CACNA1B: variants seen among roughly 807,000 people sequenced by gnomAD.
The protein encoded by CACNA1B is calcium voltage-gated channel subunit alpha1 B, also known as voltage-dependent N-type calcium channel subunit alpha-1B.
CACNA1B carries 70 observed loss-of-function variants against 247.2 expected under a neutral mutation model. The ratio of observed to expected loss-of-function variants is 0.28; its 90% CI spans 0.23 to 0.35. The LOEUF (loss-of-function observed/expected upper bound fraction) is 0.35, where lower values mean the gene tolerates loss of function less well. Ranked by LOEUF, CACNA1B falls within the 10% of genes least tolerant of loss-of-function variation. The probability of loss-of-function intolerance (pLI) is 1.00; values close to 1 mark genes in which losing one functional copy is unlikely to be tolerated. For synonymous variants in CACNA1B, 1,231 were observed against 1,294.4 expected (o/e 0.95, Z 1.05); for missense variants, 2,367 against 3,197.4 (o/e 0.74, Z 6.26).
intron 3 of CACNA1B, among the ~76,000 whole-genome samples, chr9:137,884,733 T>TG (rs774875334): frequency 2.6e-5 from 4 of 151,980 alleles, no homozygotes; most frequent in Non-Finnish European, 4.4e-5. Flanking sequence ...CCCGGCCTCA[T>TG]GGGGCGCTGT....
At position 138,124,087 on chromosome 9, in the gene CACNA1B, G is replaced by A. The variant is rs202021418; in HGVS notation, c.*2088G>A. 14 of 152,112 alleles carry A rather than the reference G, an allele frequency of 9.2e-5. No homozygotes were observed. The highest frequency in any genetic ancestry group is 3.8e-4 in the East Asian group (2 of 5,198). 9.4% of individuals were successfully genotyped at this position (152,112 alleles called of 1,614,324 possible). A position where few individuals can be genotyped will look rare whatever the true frequency, so the allele number is the denominator to read the frequency against. On this transcript the variant is annotated 3_prime_UTR_variant, in exon 47 of 47. Transcript: ENST00000371372. ...GGAATTGATGAAAACTACAGGGAGC[G>A]GGGAAAGGAGACATTATGTCTTGTT... is the stretch of plus-strand genomic sequence containing the variant.
intron 3 of CACNA1B, among the ~76,000 whole-genome samples, chr9:137,904,906 G>A (rs951257597): frequency 2.0e-5 from 3 of 152,022 alleles, no homozygotes; most frequent in Non-Finnish European, 4.4e-5. Context: ...TTCTTATTTT[G>A]TTATCTGACT....
chr9:137,947,975 CTTTTTT>C (rs71387878), intron 6 of CACNA1B, among the ~76,000 whole-genome samples: 7 of 79,440 alleles, frequency 8.8e-5, no homozygotes, highest in African/African-American at 4.2e-4. Context: ...TTCAGCATTC[CTTTTTT>C]TTTTTTTTTT....
At chr9:138,111,579 G>A (rs994509393) in intron 39 of CACNA1B, among the ~76,000 whole-genome samples, 3 of 152,198 alleles carry the variant, frequency 2.0e-5, no homozygotes, top group African/African-American at 7.2e-5. Context: ...GCACATGGGC[G>A]TATGAATTCA....
chr9:138,023,599 C>T lies in CACNA1B; in HGVS notation c.2856C>T (p.Gly952=), dbSNP rs1289343939. 1 of 1,097,736 alleles carries T rather than the reference C, an allele frequency of 9.1e-7. No homozygotes were observed. The highest frequency in any genetic ancestry group is 7.0e-5 in the East Asian group (1 of 14,282). 68.0% of individuals were successfully genotyped at this position (1,097,736 alleles called of 1,614,324 possible). The change falls in exon 19 of 47, where the codon GGC becomes GGT. Residue 952 remains glycine (G), a synonymous_variant. Transcript: ENST00000371372. The part of the protein sequence containing the change: ...DPSKECAGAK[G]ERRARHRGGP... ...GCAAGGAGTGCGCCGGCGCCAAGGG[C>T]GAGCGGCGCGCGCGGCACCGCGGCG...
chr9:137,953,399 T>C (rs755645784), intron 7 of CACNA1B, among the ~76,000 whole-genome samples: 12 of 152,194 alleles, frequency 7.9e-5, no homozygotes, highest in Non-Finnish European at 1.8e-4. Flanking sequence ...CTGGGAGTTC[T>C]GCCACGCTGA....
rs72769067 is a variant in CACNA1B, at chr9:137,987,749, C to T, written c.1974+895C>T. Among the ~76,000 whole-genome samples, 399 of 152,328 alleles carry T rather than the reference C, an allele frequency of 2.6e-3. 3 individuals are homozygous for T. The highest frequency in any genetic ancestry group is 4.1e-3 in the Non-Finnish European group (281 of 68,030). On this transcript the variant is annotated intron_variant, in intron 15 of 46. Coordinates refer to ENST00000371372, the MANE Select transcript of CACNA1B (RefSeq NM_000718.4). ...AGCAGACCCTTCAGACCAAATTAGA[C>T]GATTGGCTCAAAGAGGAGTTCTGTC...
At chr9:137,931,739 T>G (rs1395689991) in intron 6 of CACNA1B, among the ~76,000 whole-genome samples, 2 of 152,162 alleles carry the variant, frequency 1.3e-5, no homozygotes, top group African/African-American at 4.8e-5. Context: ...GGGTGGTGTC[T>G]TTACCTGGAA....
rs780803263 is a variant in CACNA1B, at chr9:138,020,264, A to G, written c.2268-2747A>G. Among the ~76,000 whole-genome samples the G allele has an allele frequency of 7.9e-5, 12 of 152,132 alleles. No homozygotes were observed. The highest frequency in any genetic ancestry group is 1.8e-4 in the Non-Finnish European group (12 of 68,010). Reference sequence around the variant, plus strand: ...AGTCCTGTAGTTCCCCACAGCACCCAGCTGAGCATGGCTGAGCCCTCCTCC... The same window carrying G: ...AGTCCTGTAGTTCCCCACAGCACCCGGCTGAGCATGGCTGAGCCCTCCTCC... On this transcript the variant is annotated intron_variant, in intron 18 of 46. Transcript: ENST00000371372. The surrounding 1 kb of genome is among the most constrained non-coding windows in gnomAD (Gnocchi z 4.1).
Position 138,122,187 on chromosome 9 carries a change from G to A in CACNA1B, c.*188G>A, listed in dbSNP as rs1324399497. 3 of 604,816 alleles carry A rather than the reference G, an allele frequency of 5.0e-6. No individual in the cohort carries two copies. The highest frequency in any genetic ancestry group is 8.8e-6 in the Non-Finnish European group (3 of 342,254). 37.5% of individuals were successfully genotyped at this position (604,816 alleles called of 1,614,324 possible). The stretch of plus-strand genomic sequence containing the variant: ...GACGAATAAAGCCCTGTTAGAGGAT[G>A]CGGCTCTCTCTGTCCCCTTCCTGTC... On this transcript the variant is annotated 3_prime_UTR_variant, in exon 47 of 47. Coordinates refer to ENST00000371372, the MANE Select transcript of CACNA1B (RefSeq NM_000718.4).
intron 6 of CACNA1B, among the ~76,000 whole-genome samples, chr9:137,921,360 A>G (rs1957475627): frequency 6.6e-6 from 1 of 152,172 alleles, no homozygotes; most frequent in Non-Finnish European, 1.5e-5. Flanking sequence ...GAACATGGTC[A>G]GCACCACGGC....
intron 20 of CACNA1B, among the ~76,000 whole-genome samples, chr9:138,026,457 A>G (rs902337704): frequency 2.0e-5 from 3 of 152,134 alleles, no homozygotes; most frequent in African/African-American, 7.2e-5. Context: ...CCTGTTGGCA[A>G]CCACTGATTT....
Position 138,120,814 on chromosome 9 carries a change from C to T in CACNA1B, c.6422C>T (p.Pro2141Leu). 1 of 1,564,452 alleles carries T rather than the reference C, an allele frequency of 6.4e-7. No individual in the cohort carries two copies. The highest frequency in any genetic ancestry group is 8.7e-7 in the Non-Finnish European group (1 of 1,154,768). Reference sequence around the variant, plus strand: ...TTTGGGGGCCGTGAGCCCCCGAAGCCCAAGCCCTCCCTCAGCAGCCACCCA... The same window carrying T: ...TTTGGGGGCCGTGAGCCCCCGAAGCTCAAGCCCTCCCTCAGCAGCCACCCA... ...DRFGGREPPK[P>L]KPSLSSHPTS... Residue 2141 changes from proline to leucine, a missense_variant, in exon 46 of 47, where the codon CCC (proline) becomes CTC (leucine). This residue lies in a region of CACNA1B where 773 missense variants were observed against 779.4 expected (regional missense o/e 0.99). Coordinates refer to ENST00000371372, the MANE Select transcript of CACNA1B (RefSeq NM_000718.4).
In CACNA1B at chr9:138,052,567, CAG is replaced by C. The variant is rs1176427077; in HGVS notation, c.3807+383_3807+384del. On this transcript the variant is annotated intron_variant, in intron 25 of 46. Coordinates refer to ENST00000371372, the MANE Select transcript of CACNA1B (RefSeq NM_000718.4). This position sits in a 1 kb window ranked among gnomAD's most constrained non-coding sequence, Gnocchi z 5.1. The stretch of plus-strand genomic sequence containing the variant: ...CATGGGCTGAGCTTCTGGATAAAGA[CAG>C]AGAATAAACTCAAACTCATAGGGCC... Among the ~76,000 whole-genome samples, 36 of 152,278 alleles carry C rather than the reference CAG, an allele frequency of 2.4e-4. No homozygotes were observed. The highest frequency in any genetic ancestry group is 8.7e-4 in the African/African-American group (36 of 41,546).
chr9:137,930,797 AT>A (rs925149134), intron 6 of CACNA1B, among the ~76,000 whole-genome samples: 4 of 148,986 alleles, frequency 2.7e-5, no homozygotes, highest in African/African-American at 7.4e-5. Context: ...TAGACTTGCT[AT>A]TTTTTTTTGA....
chr9:137,985,967 G>T (rs1958355962), intron 13 of CACNA1B, among the ~76,000 whole-genome samples: 1 of 152,244 alleles, frequency 6.6e-6, no homozygotes. Flanking sequence ...TTGCAGATCT[G>T]CTGTAGGTTC....
chr9:137,981,879 G>A (rs143146475), intron 12 of CACNA1B, among the ~76,000 whole-genome samples: 3 of 152,230 alleles, frequency 2.0e-5, no homozygotes, highest in East Asian at 3.9e-4. Flanking sequence ...AATTCTCCTC[G>A]CTTTCCTGCA....
chr9:138,087,041 A>G (rs1589120412), intron 36 of CACNA1B, among the ~76,000 whole-genome samples: 1 of 151,288 alleles, frequency 6.6e-6, no homozygotes, highest in Non-Finnish European at 1.5e-5. Context: ...ATTCATGAAA[A>G]TTAACATTCT....
Position 137,957,518 on chromosome 9 carries a change from G to T in CACNA1B, c.1244-80G>T. The stretch of plus-strand genomic sequence containing the variant: ...GGAGAGGTCACTGGTCCCAGGGGGA[G>T]GGTGATCCCATGCCCCGCTGAGGCA... On this transcript the variant is annotated intron_variant, in intron 9 of 46. Coordinates refer to ENST00000371372, the MANE Select transcript of CACNA1B (RefSeq NM_000718.4). The surrounding 1 kb of genome is among the most constrained non-coding windows in gnomAD (Gnocchi z 4.7). 9.7e-7 allele frequency: 1 copy of T among 1,029,538 alleles called. No homozygotes were observed. Among genetic ancestry groups the T allele is most frequent in the South Asian group, 1.7e-5 (1 of 59,576 alleles). 63.8% of individuals were successfully genotyped at this position (1,029,538 alleles called of 1,614,324 possible). A position where few individuals can be genotyped will look rare whatever the true frequency, so the allele number is the denominator to read the frequency against.
Sources: gnomAD v4.1 joint callset for allele counts (sites outside exome capture counted in the v4.1 genomes callset) on GRCh38, gnomAD v4.1.1 for gene constraint, gnomAD v4.1.1 regional missense constraint, Gnocchi (gnomAD v3.1) non-coding constraint, MANE v1.5 for transcripts, NCBI Gene and HGNC (gene_info 2026-07-23, HGNC 2026-07-21) for gene names.